ATXN2: variants seen among roughly 807,000 people sequenced by gnomAD.
The protein encoded by ATXN2 is ataxin 2, also known as ataxin-2.
In ATXN2, 37 loss-of-function variants were observed where a neutral mutation model predicts 138.6. That is an observed-to-expected ratio of 0.27 (90% CI 0.21 to 0.35). The LOEUF (loss-of-function observed/expected upper bound fraction) is 0.35, where lower values mean the gene tolerates loss of function less well. Among genes scored for constraint, ATXN2 ranks in the 10% least tolerant of loss-of-function variants. ATXN2 has a pLI of 1.00. For missense variants in ATXN2, 1,216 were observed against 1,480.3 expected, an observed-to-expected ratio of 0.82 and a Z score of 2.93; for synonymous variants, 549 against 543.7, an observed-to-expected ratio of 1.01 and a Z score of -0.13.
chr12:111,544,387 T>C (rs552346500), intron 5 of ATXN2, among the ~76,000 whole-genome samples: 1 of 152,352 alleles, frequency 6.6e-6, no homozygotes, highest in East Asian at 1.9e-4. Context: ...ATTTCATTTA[T>C]TCAAACACAT....
chr12:111,598,453 GA>G lies in ATXN2; in HGVS notation c.251+330del. On this transcript the variant is annotated intron_variant, in intron 1 of 24. Coordinates refer to ENST00000673436, the MANE Select transcript of ATXN2 (RefSeq NM_001372574.1). The surrounding 1 kb of genome is among the most constrained non-coding windows in gnomAD (Gnocchi z 4.5). ...CACGCTGCGGGCGGAGGATCGTGCG[GA>G]AGGGGGAGCCGGGGCTGACCATCGC... The G allele has an allele frequency of 2.0e-6, 2 of 985,582 alleles. No homozygotes were observed. Among genetic ancestry groups the G allele is most frequent in the South Asian group, 4.7e-5 (1 of 21,300 alleles). 61.1% of individuals were successfully genotyped at this position (985,582 alleles called of 1,614,324 possible).
chr12:111,514,816 T>C (rs1274092285), intron 10 of ATXN2, among the ~76,000 whole-genome samples: 1 of 152,162 alleles, frequency 6.6e-6, no homozygotes, highest in Non-Finnish European at 1.5e-5. Flanking sequence ...ACGAACATGA[T>C]CTTTAGAAGA....
intron 5 of ATXN2, among the ~76,000 whole-genome samples, chr12:111,541,460 T>A (rs1881511792): frequency 6.9e-6 from 1 of 144,210 alleles, no homozygotes; most frequent in Admixed American, 7.1e-5. Context: ...CAAGCGATTC[T>A]CCTGCCTCAG....
chr12:111,456,418 C>T (rs1192055958), intron 22 of ATXN2, among the ~76,000 whole-genome samples, 162 bp from the exon 23 acceptor site: 2 of 121,156 alleles, frequency 1.7e-5, no homozygotes, highest in Non-Finnish European at 3.1e-5. Flanking sequence ...GAGGTGCCTC[C>T]CATCTGGACA....
At chr12:111,498,587 AT>A (rs546228291) in intron 14 of ATXN2, among the ~76,000 whole-genome samples, 68 of 152,332 alleles carry the variant, frequency 4.5e-4, no homozygotes, top group Admixed American at 4.4e-3. Context: ...ATGAAAAGAG[AT>A]TCCATGTTTA....
intron 5 of ATXN2, among the ~76,000 whole-genome samples, chr12:111,537,307 A>T (rs1881241220): frequency 6.6e-6 from 1 of 152,112 alleles, no homozygotes; most frequent in East Asian, 1.9e-4. Context: ...ATATATGGCC[A>T]GATGCGGTGG....
At chr12:111,542,063 C>T (rs1371824565) in intron 5 of ATXN2, among the ~76,000 whole-genome samples, 3 of 148,620 alleles carry the variant, frequency 2.0e-5, no homozygotes, top group South Asian at 2.1e-4. Flanking sequence ...CCAACGTGCC[C>T]GGCCAAAACT....
intron 5 of ATXN2, among the ~76,000 whole-genome samples, chr12:111,535,998 T>TAA (rs1765911646): frequency 9.8e-6 from 1 of 101,794 alleles, no homozygotes; most frequent in African/African-American, 7.0e-5. Flanking sequence ...AGACTCCGTC[T>TAA]CAAAAAAAAA....
In ATXN2 at chr12:111,470,682, G is replaced by C. The variant is rs769559576; in HGVS notation, c.2585C>G (p.Ala862Gly). 1 of 1,613,942 alleles carries C rather than the reference G, an allele frequency of 6.2e-7. No homozygotes were observed. The highest frequency in any genetic ancestry group is 1.3e-5 in the African/African-American group (1 of 74,864). The change falls in exon 19 of 25, where the codon GCG becomes GGG. Residue 862 changes from alanine to glycine, a missense_variant. Physicochemically the swap from Ala to Gly is moderately conservative, Grantham distance 60 (BLOSUM62 0). Transcript: ENST00000673436. ...QHHQSAMMHP[A>G]SAAGPPIAAT... ...TGCAATCGGTGGGCCCGCTGCTGAC[G>C]CTGGGTGCATCATGGCACTCTGATG...
chr12:111,540,225 T>C lies in ATXN2; in HGVS notation c.571+12055A>G, dbSNP rs143894991. On this transcript the variant is annotated intron_variant, in intron 5 of 24. Transcript: ENST00000673436. ...ATATATCTGCATGCATAAGACTCCA[T>C]TGAAACCATCCAAGACAAGAGAAAA... Among the ~76,000 whole-genome samples the C allele has an allele frequency of 6.4e-3, 970 of 150,548 alleles. 80 individuals carry two copies. The highest frequency in any genetic ancestry group is 0.036 in the Admixed American group (538 of 15,052).
At chr12:111,490,635 A>G (rs1461744334) in intron 14 of ATXN2, among the ~76,000 whole-genome samples, 1 of 152,106 alleles carries the variant, frequency 6.6e-6, no homozygotes, top group African/African-American at 2.4e-5. Context: ...ACAAGAAAGC[A>G]CCTTCATAAG....
intron 14 of ATXN2, among the ~76,000 whole-genome samples, chr12:111,492,511 A>G (rs920925571): frequency 6.6e-6 from 1 of 152,112 alleles, no homozygotes; most frequent in African/African-American, 2.4e-5. Context: ...GTGAAACACC[A>G]TATTTACTAA....
intron 5 of ATXN2, among the ~76,000 whole-genome samples, chr12:111,551,537 C>T (rs945923005): frequency 1.3e-5 from 2 of 152,130 alleles, no homozygotes; most frequent in Non-Finnish European, 2.9e-5. Context: ...ACTTCTTCAC[C>T]CTTTTTCATT....
intron 1 of ATXN2, among the ~76,000 whole-genome samples, chr12:111,573,434 G>A (rs1359614855): frequency 6.6e-6 from 1 of 152,108 alleles, no homozygotes; most frequent in Non-Finnish European, 1.5e-5. Context: ...GACCTCAGGC[G>A]ATCCACACGC....
At chr12:111,458,830 C>T (rs1173197159) in intron 21 of ATXN2, among the ~76,000 whole-genome samples, 3 of 152,144 alleles carry the variant, frequency 2.0e-5, no homozygotes, top group Admixed American at 2.0e-4. Context: ...GTATATTCCA[C>T]GTAAATGGTG....
chr12:111,499,753 G>T (rs562735318), intron 14 of ATXN2, among the ~76,000 whole-genome samples: 2 of 152,054 alleles, frequency 1.3e-5, no homozygotes, highest in African/African-American at 2.4e-5. Flanking sequence ...TCAGCATTTT[G>T]GGAAGCCAAG....
At chr12:111,562,720 C>CA (rs34625134) in intron 1 of ATXN2, among the ~76,000 whole-genome samples, 3,464 of 55,256 alleles carry the variant, frequency 0.063, 149 homozygotes, top group Non-Finnish European at 0.083. Flanking sequence ...AACTCCATCT[C>CA]AAAAAAAAAA....
At position 111,485,872 on chromosome 12, in the gene ATXN2, AAAC is replaced by A; in HGVS notation, c.2305-10_2305-8del. On this transcript the variant is annotated splice_region_variant and splice_polypyrimidine_tract_variant and intron_variant, in intron 16 of 24. Transcript: ENST00000673436. ...GGGTAGTAGAAGGCTTTGGCTACAA[AAAC>A]AACAATAAATTCAATTATCTCAAGG... is the stretch of plus-strand genomic sequence containing the variant. 1.2e-6 allele frequency: 2 copies of A among 1,613,110 alleles called. No individual in the cohort carries two copies. Among genetic ancestry groups the A allele is most frequent in the East Asian group, 2.2e-5 (1 of 44,854 alleles).
At chr12:111,574,169 G>A (rs1349169711) in intron 1 of ATXN2, among the ~76,000 whole-genome samples, 1 of 151,408 alleles carries the variant, frequency 6.6e-6, no homozygotes, top group African/African-American at 2.4e-5. Context: ...TTAGCCGGGC[G>A]TGGTGGCGGG....
Sources: gnomAD v4.1 joint callset for allele counts (sites outside exome capture counted in the v4.1 genomes callset) on GRCh38, gnomAD v4.1.1 for gene constraint, Gnocchi (gnomAD v3.1) non-coding constraint, MANE v1.5 for transcripts, NCBI Gene and HGNC (gene_info 2026-07-23, HGNC 2026-07-21) for gene names.